Variants in SBF2 observed in about 807,000 individuals in gnomAD.
SBF2 encodes the protein SET binding factor 2, also known as myotubularin-related protein 13.
A neutral mutation model predicts 225.2 loss-of-function variants in SBF2; 112 were observed. The observed-to-expected ratio is 0.50, with a 90% CI of 0.43 to 0.58. The LOEUF is 0.58. SBF2 is among the 20% of genes least tolerant of loss of function. The pLI, the probability that SBF2 is intolerant of heterozygous loss-of-function variation, is 0.00. For synonymous variants in SBF2, 763 were observed against 773.3 expected (o/e 0.99, Z 0.22); for missense variants, 1,996 against 2,206.2 (o/e 0.90, Z 1.91).
At chr11:10,262,552 C>CT (rs1033283862) in intron 1 of SBF2, among the ~76,000 whole-genome samples, 33 of 152,242 alleles carry the variant, frequency 2.2e-4, no homozygotes, top group African/African-American at 7.9e-4. Context: ...CTATAAGCCT[C>CT]TTAGGGGCTG....
At chr11:10,065,354 C>G (rs1237577235) in intron 2 of SBF2, among the ~76,000 whole-genome samples, 1 of 151,820 alleles carries the variant, frequency 6.6e-6, no homozygotes, top group African/African-American at 2.4e-5. Flanking sequence ...CTTAAGAAAT[C>G]AGATGAAGAG....
chr11:10,194,657 C>T (rs1437746332), intron 1 of SBF2, among the ~76,000 whole-genome samples: 1 of 152,104 alleles, frequency 6.6e-6, no homozygotes, highest in Non-Finnish European at 1.5e-5. Flanking sequence ...ATTACAGGCA[C>T]CCACCACCAT....
intron 1 of SBF2, among the ~76,000 whole-genome samples, chr11:10,258,356 C>T (rs919717227): frequency 6.6e-6 from 1 of 152,246 alleles, no homozygotes; most frequent in African/African-American, 2.4e-5. Context: ...AAACCTCCCA[C>T]TGTGGCTTCC....
chr11:10,196,841 T>A (rs1376916565), intron 1 of SBF2, among the ~76,000 whole-genome samples: 2 of 24,684 alleles, frequency 8.1e-5, no homozygotes, highest in African/African-American at 1.7e-4. Context: ...TGCATAAATA[T>A]ATATATATAT....
At chr11:9,876,692 A>G (rs1859272700) in intron 17 of SBF2, among the ~76,000 whole-genome samples, 1 of 152,214 alleles carries the variant, frequency 6.6e-6, no homozygotes, top group African/African-American at 2.4e-5. Context: ...ACTCTGTGGT[A>G]TTTCGATATG....
chr11:10,067,163 A>G (rs188899671), intron 2 of SBF2, among the ~76,000 whole-genome samples: 1 of 152,302 alleles, frequency 6.6e-6, no homozygotes, highest in East Asian at 1.9e-4. Flanking sequence ...AAGATGTGAA[A>G]GAGCTGGACA....
intron 2 of SBF2, among the ~76,000 whole-genome samples, chr11:10,120,925 C>T (rs577688059): frequency 6.6e-6 from 1 of 151,932 alleles, no homozygotes; most frequent in African/African-American, 2.4e-5. Context: ...CAGCCATGCC[C>T]GGCTAATTTT....
At position 9,839,600 on chromosome 11, in the gene SBF2, T is replaced by C; in HGVS notation, c.3353A>G (p.Tyr1118Cys). 6.2e-7 allele frequency: 1 copy of C among 1,614,124 alleles called. No homozygotes were observed. The highest frequency in any genetic ancestry group is 8.5e-7 in the Non-Finnish European group (1 of 1,180,010). Residue 1118 changes from tyrosine to cysteine, a missense_variant, in exon 26 of 40, where the codon TAT becomes TGT. Tyr to Cys is a radical substitution (Grantham distance 194). Transcript: ENST00000256190. Reference protein sequence around the residue: ...QLVEKACFRDYQRLGLGTISG... With the variant: ...QLVEKACFRDCQRLGLGTISG... Reference sequence around the variant, plus strand: ...TATGGTTCCTAAACCTAAACGCTGATAGTCTCTGAAACAAGCTTTTTCCAC... The same window carrying C: ...TATGGTTCCTAAACCTAAACGCTGACAGTCTCTGAAACAAGCTTTTTCCAC...
At chr11:9,906,316 C>T (rs1354442585) in intron 16 of SBF2, among the ~76,000 whole-genome samples, 1 of 152,088 alleles carries the variant, frequency 6.6e-6, no homozygotes, top group Admixed American at 6.5e-5. Context: ...ATGACACTGT[C>T]CAAACTTTAA....
At position 9,843,152 on chromosome 11, in the gene SBF2, T is replaced by C. The variant is rs1024965812; in HGVS notation, c.3111-382A>G. 2.6e-5 allele frequency among the ~76,000 whole-genome samples: 4 copies of C among 152,210 alleles called. No individual in the cohort carries two copies. In the East Asian group the frequency reaches 7.7e-4, roughly 29 times the overall value. ...GCATGCTTGTTGGAGTCCTCCTACATGGAAAGCCAGCCTGCCCACTTCTCT... is the reference window on the plus strand; with the variant it reads ...GCATGCTTGTTGGAGTCCTCCTACACGGAAAGCCAGCCTGCCCACTTCTCT... On this transcript the variant is annotated intron_variant, in intron 24 of 39. Coordinates refer to ENST00000256190, the MANE Select transcript of SBF2 (RefSeq NM_030962.4).
Position 10,129,100 on chromosome 11 carries a change from CTTTTTTTTTTTTT to C in SBF2, c.141+64789_141+64801del, listed in dbSNP as rs757476668. On this transcript the variant is annotated intron_variant, in intron 2 of 39. Coordinates refer to ENST00000256190, the MANE Select transcript of SBF2 (RefSeq NM_030962.4). ...TTGTTATTTGCACGCAATTTTCTCT[CTTTTTTTTTTTTT>C]TTTTTTTTTTTTGAGACACAGTCTC... is the stretch of plus-strand genomic sequence containing the variant. Among the ~76,000 whole-genome samples, 12 of 89,942 alleles carry C rather than the reference CTTTTTTTTTTTTT, an allele frequency of 1.3e-4. No individual in the cohort carries two copies. In the Admixed American group the frequency reaches 1.7e-3, roughly 12 times the overall value. The allele number at this position is 89,942 out of a possible 152,430, so 59.0% of individuals were successfully genotyped here. A position where few individuals can be genotyped will look rare whatever the true frequency, so the allele number is the denominator to read the frequency against.
intron 3 of SBF2, among the ~76,000 whole-genome samples, chr11:10,041,383 C>T (rs1360582376): frequency 5.3e-5 from 8 of 152,152 alleles, no homozygotes; most frequent in Admixed American, 1.3e-4. Flanking sequence ...ATACAGTAAT[C>T]TCTAACTTCA....
chr11:10,283,619 GAAGA>G (rs956688381), intron 1 of SBF2, among the ~76,000 whole-genome samples: 3 of 150,022 alleles, frequency 2.0e-5, no homozygotes, highest in South Asian at 2.2e-4. Flanking sequence ...TTAATGGACA[GAAGA>G]AATAAAAAAA....
intron 1 of SBF2, among the ~76,000 whole-genome samples, chr11:10,240,273 A>C (rs1455456821): frequency 6.6e-6 from 1 of 151,224 alleles, no homozygotes; most frequent in Non-Finnish European, 1.5e-5. Flanking sequence ...AAAAAAAAAA[A>C]AACAGGATAA....
At chr11:9,974,978 AAAAAAAAAAAG>A (rs1234836048) in intron 13 of SBF2, among the ~76,000 whole-genome samples, 5,385 of 89,278 alleles carry the variant, frequency 0.06, 314 homozygotes, top group East Asian at 0.18. Context: ...AAAAAAAAAA[AAAAAAAAAAAG>A]AAAAAAAGAA....
intron 10 of SBF2, among the ~76,000 whole-genome samples, chr11:9,993,499 A>G (rs1204381118): frequency 6.6e-6 from 1 of 152,354 alleles, no homozygotes; most frequent in East Asian, 1.9e-4. Flanking sequence ...ATGGCTTCTA[A>G]TTGAAACTAT....
At chr11:9,926,486 G>C (rs1262489958) in intron 16 of SBF2, among the ~76,000 whole-genome samples, 3 of 152,024 alleles carry the variant, frequency 2.0e-5, no homozygotes, top group African/African-American at 7.2e-5. Context: ...ATAAGGAATA[G>C]CTGCCAATAT....
rs1949136104 is a variant in SBF2, at chr11:10,028,647, C to T, written c.514-90G>A. The T allele has an allele frequency of 3.6e-6, 3 of 833,230 alleles. No individual in the cohort carries two copies. In the South Asian group the frequency reaches 4.0e-5, roughly 11 times the overall value. The allele number at this position is 833,230 out of a possible 1,614,324, so 51.6% of individuals were successfully genotyped here. Reference sequence around the variant, plus strand: ...ATACCTTCGATGTTCATTTTTAGAGCAAACGACCATGTAAGATCCAATTAA... The same window carrying T: ...ATACCTTCGATGTTCATTTTTAGAGTAAACGACCATGTAAGATCCAATTAA... On this transcript the variant is annotated intron_variant, in intron 5 of 39. Transcript: ENST00000256190.
intron 2 of SBF2, among the ~76,000 whole-genome samples, chr11:10,104,897 C>T (rs1158387646): frequency 6.6e-6 from 1 of 151,326 alleles, no homozygotes; most frequent in Non-Finnish European, 1.5e-5. Context: ...ATTTTCTCTT[C>T]TTCACTGAGT....
Sources: allele counts gnomAD v4.1 joint callset (sites outside exome capture counted in the v4.1 genomes callset), GRCh38; gene constraint gnomAD v4.1.1; transcripts MANE v1.5; gene names NCBI Gene and HGNC (gene_info 2026-07-23, HGNC 2026-07-21).